The following NOL3 variants were observed in gnomAD, a reference collection of about 807,000 sequenced individuals.
NOL3 encodes nucleolar protein 3.
In NOL3, 18 loss-of-function variants were observed where a neutral mutation model predicts 19.2. The ratio of observed to expected loss-of-function variants is 0.94; its 90% CI spans 0.65 to 1.39. The LOEUF is 1.39. Ranked by LOEUF, NOL3 falls within the 40% of genes most tolerant of loss-of-function variation. The pLI is 0.00. For synonymous variants in NOL3, 127 were observed against 137.3 expected (o/e 0.93, Z 0.52); for missense variants, 290 against 289.5 (o/e 1.00, Z -0.01).
Position 67,174,591 on chromosome 16 carries a change from G to A in NOL3, c.296-30G>A, listed in dbSNP as rs750067763. 3 of 1,517,384 alleles carry A rather than the reference G, an allele frequency of 2.0e-6. No homozygotes were observed. The South Asian group carries it at 4.0e-5, about 20-fold the overall frequency. 94.0% of individuals were successfully genotyped at this position (1,517,384 alleles called of 1,614,324 possible). A position where few individuals can be genotyped will look rare whatever the true frequency, so the allele number is the denominator to read the frequency against. On this transcript the variant is annotated intron_variant, in intron 2 of 3. Coordinates refer to ENST00000268605, the Ensembl canonical transcript of NOL3. Reference sequence around the variant, plus strand: ...GTGTGAAACCGCACAGGGGTAAATTGAGCCTCAGTCACTCCCACTTCCGCC... The same window carrying A: ...GTGTGAAACCGCACAGGGGTAAATTAAGCCTCAGTCACTCCCACTTCCGCC...
chr16:67,174,967 A>T (rs752156011), intron 3 of NOL3, 23 bp downstream of exon 3: 7 of 1,609,396 alleles, frequency 4.3e-6, no homozygotes, highest in Non-Finnish European at 5.9e-6. Context: ...CCAAACCCTG[A>T]GCCGGCTTGG....
chr16:67,174,166 G>A (rs1234246359), exon 2 of NOL3: 2 of 1,607,774 alleles, frequency 1.2e-6, no homozygotes, highest in Non-Finnish European at 1.7e-6. Flanking sequence ...ATGCAGCCCC[G>A]ACAATGGGCA....
exon 2 of NOL3, chr16:67,174,343 G>T: frequency 6.3e-7 from 1 of 1,593,356 alleles, no homozygotes. Context: ...AGCGCAGGGT[G>T]CGCCGCCTAC....
At chr16:67,172,796 C>G (rs1333410083) in intron 1 of NOL3, 2 of 150,458 alleles carry the variant, frequency 1.3e-5, no homozygotes, top group Non-Finnish European at 3.0e-5. Flanking sequence ...CCAGCCTGAT[C>G]AATATAGCAA....
chr16:67,173,439 G>C (rs1177107539), intron 1 of NOL3, among the ~76,000 whole-genome samples: 1 of 152,188 alleles, frequency 6.6e-6, no homozygotes, highest in Non-Finnish European at 1.5e-5. Flanking sequence ...CACTATGGTG[G>C]TGGTGTTGGT....
At chr16:67,172,064 A>G (rs2031796414) in intron 1 of NOL3, 1 of 152,260 alleles carries the variant, frequency 6.6e-6, no homozygotes, top group African/African-American at 2.4e-5. Context: ...GGCTAGGACT[A>G]AATCCTCTCT....
chr16:67,175,335 G>A, exon 4 of NOL3: 2 of 1,328,308 alleles, frequency 1.5e-6, no homozygotes, highest in African/African-American at 1.5e-5. Flanking sequence ...AGTCCAGGCT[G>A]CACCCTGGAG....
chr16:67,175,398 A>C, exon 4 of NOL3: 1 of 1,171,288 alleles, frequency 8.5e-7, no homozygotes. Flanking sequence ...CTGCCCGCAT[A>C]CACAACCCAT....
chr16:67,173,159 C>T (rs534322748), intron 1 of NOL3, among the ~76,000 whole-genome samples: 9 of 151,554 alleles, frequency 5.9e-5, no homozygotes, highest in Non-Finnish European at 1.2e-4. Flanking sequence ...AGTCCAAGTT[C>T]GGCAAGTATT....
At position 67,170,819 on chromosome 16, in the gene NOL3, C is replaced by T. The variant is rs2145935251; in HGVS notation, c.-9+245C>T. 6.6e-6 allele frequency among the ~76,000 whole-genome samples: 1 copy of T among 152,322 alleles called. No homozygotes were observed. Among genetic ancestry groups the T allele is most frequent in the South Asian group, 2.1e-4 (1 of 4,830 alleles). On this transcript the variant is annotated intron_variant, in intron 1 of 3. Coordinates refer to ENST00000268605, the Ensembl canonical transcript of NOL3. This position sits in a 1 kb window ranked among gnomAD's most constrained non-coding sequence, Gnocchi z 5.7. ...GTGCAGTCGCACATGCGCAAAGGCT[C>T]TTCACTGTCCCAAGACCCTGGCTTC... is the stretch of plus-strand genomic sequence containing the variant.
At chr16:67,174,502 C>T (rs1402119258) in intron 2 of NOL3, 38 bp downstream of exon 2, 10 of 1,469,486 alleles carry the variant, frequency 6.8e-6, no homozygotes, top group Non-Finnish European at 8.9e-6. Flanking sequence ...AGAGCAGGGA[C>T]GGGGCTGGGG....
rs2032089542 is a variant in NOL3 at position 67,175,034 on chromosome 16, C to T, written c.620-13C>T. On this transcript the variant is annotated splice_polypyrimidine_tract_variant and intron_variant, in intron 3 of 3. Coordinates refer to ENST00000268605, the Ensembl canonical transcript of NOL3. ...GACCCCACCTCTTTGACCACTGTTC[C>T]CGTCATCTCTAGATTCCTGAAGGCC... 6.2e-7 allele frequency: 1 copy of T among 1,614,020 alleles called. No homozygotes were observed. Among genetic ancestry groups the T allele is most frequent in the Non-Finnish European group, 8.5e-7 (1 of 1,179,970 alleles).
Position 67,172,340 on chromosome 16 carries a change from C to T in NOL3, c.-9+1766C>T, listed in dbSNP as rs1352772627. 2.6e-5 allele frequency among the ~76,000 whole-genome samples: 4 copies of T among 152,062 alleles called. No individual in the cohort carries two copies. The South Asian group carries it at 6.2e-4, about 24-fold the overall frequency. On this transcript the variant is annotated intron_variant, in intron 1 of 3. Coordinates refer to ENST00000268605, the Ensembl canonical transcript of NOL3. ...AATAAATGGACAAAGCAGCTGGGTG[C>T]GGTGGCTCATGCCTGTAATCCCAAC...
chr16:67,172,526 G>A (rs572374292), intron 1 of NOL3, among the ~76,000 whole-genome samples: 1 of 150,734 alleles, frequency 6.6e-6, no homozygotes, highest in Non-Finnish European at 1.5e-5. Flanking sequence ...CAGAAGAATC[G>A]CTTGAACTCA....
intron 1 of NOL3, 55 bp from the exon 2 acceptor site, chr16:67,174,107 C>G (rs554760118): frequency 9.4e-6 from 15 of 1,598,950 alleles, no homozygotes; most frequent in African/African-American, 1.3e-5. Context: ...TCAGAGGCGG[C>G]GAGGGCAGCG....
chr16:67,174,278 C>T lies in NOL3; in HGVS notation c.109C>T (p.Arg37Trp), dbSNP rs202111825. Reference sequence around the variant, plus strand: ...ACTGCTGTTGGACGCGCTGCTGGCGCGGGGCGTGCTCACCGGGCCAGAGTA... The same window carrying T: ...ACTGCTGTTGGACGCGCTGCTGGCGTGGGGCGTGCTCACCGGGCCAGAGTA... Residue 37 changes from arginine (R) to tryptophan (W), a missense_variant, in exon 2 of 4, where the codon CGG (arginine) becomes TGG (tryptophan). By Grantham distance (101) the Arg-to-Trp change is moderately radical. Transcript: ENST00000268605. The T allele has an allele frequency of 1.4e-4, 226 of 1,611,838 alleles. No homozygotes were observed. In the East Asian group the frequency reaches 5.0e-3, roughly 36 times the overall value.
At position 67,174,772 on chromosome 16, in the gene NOL3, C is replaced by G. The variant is rs1350936257; in HGVS notation, c.447C>G (p.Thr149=). 4 of 1,607,892 alleles carry G rather than the reference C, an allele frequency of 2.5e-6. No individual in the cohort carries two copies. In the African/African-American group the frequency reaches 5.3e-5, roughly 21 times the overall value. ...GCTCCGAGGCGGTGCAATCCGGGAC[C>G]CCGGAGGAGCCAGAGCCAGAGCTGG... is the stretch of plus-strand genomic sequence containing the variant. The change falls in exon 3 of 4, where the codon ACC becomes ACG. Residue 149 remains threonine, a synonymous_variant. Transcript: ENST00000268605.
exon 2 of NOL3, chr16:67,174,244 G>T (rs199980306): frequency 6.2e-7 from 1 of 1,612,840 alleles, no homozygotes; most frequent in African/African-American, 1.3e-5. Flanking sequence ...CGCTGCAGGC[G>T]GACTCGGGAC....
chr16:67,173,826 G>T, intron 1 of NOL3: 1 of 1,512,090 alleles, frequency 6.6e-7, no homozygotes, highest in South Asian at 1.2e-5. Context: ...TGCCGGGGGT[G>T]GAGCTCAGGA....
Sources: gnomAD v4.1 joint callset for allele counts (sites outside exome capture counted in the v4.1 genomes callset) on GRCh38, gnomAD v4.1.1 for gene constraint, Gnocchi (gnomAD v3.1) non-coding constraint, MANE v1.5 for transcripts, NCBI Gene and HGNC (gene_info 2026-07-23, HGNC 2026-07-21) for gene names.